Variants in ATRNL1 observed in about 807,000 individuals in gnomAD.
ATRNL1 encodes attractin-like protein 1.
A neutral mutation model predicts 182.7 loss-of-function variants in ATRNL1; 95 were observed. The ratio of observed to expected loss-of-function variants is 0.52; its 90% CI spans 0.44 to 0.62. The LOEUF is 0.62. Among genes scored for constraint, ATRNL1 ranks in the 20% least tolerant of loss-of-function variants. The probability of loss-of-function intolerance (pLI) is 0.00; values close to 1 mark genes in which losing one functional copy is unlikely to be tolerated. For synonymous variants in ATRNL1, 576 were observed against 568.3 expected (o/e 1.01, Z -0.19); for missense variants, 1,471 against 1,679.5 (o/e 0.88, Z 2.17).
At chr10:115,369,140 T>G (rs1195315530) in intron 19 of ATRNL1, among the ~76,000 whole-genome samples, 1 of 151,950 alleles carries the variant, frequency 6.6e-6, no homozygotes, top group Non-Finnish European at 1.5e-5. Context: ...AAACACCGGA[T>G]TTGCTTATTT....
intron 26 of ATRNL1, among the ~76,000 whole-genome samples, chr10:115,656,385 C>T (rs1386410309): frequency 6.6e-6 from 1 of 152,140 alleles, no homozygotes; most frequent in African/African-American, 2.4e-5. Context: ...TGCACATTCT[C>T]CCCATATCTG....
intron 26 of ATRNL1, among the ~76,000 whole-genome samples, chr10:115,679,584 C>T (rs1945982453): frequency 6.6e-6 from 1 of 152,058 alleles, no homozygotes; most frequent in South Asian, 2.1e-4. Flanking sequence ...TACCCTGAGT[C>T]ATTTTATCCA....
intron 28 of ATRNL1, among the ~76,000 whole-genome samples, chr10:115,895,446 C>G (rs1233843949): frequency 3.9e-5 from 6 of 152,234 alleles, no homozygotes; most frequent in Non-Finnish European, 8.8e-5. Flanking sequence ...GCATTATTTC[C>G]AGCTTTGTGG....
intron 13 of ATRNL1, among the ~76,000 whole-genome samples, chr10:115,272,048 A>G (rs567585529): frequency 4.6e-5 from 7 of 152,154 alleles, no homozygotes; most frequent in African/African-American, 1.2e-4. Context: ...TCTTGCTCCT[A>G]TTCTGCCATG....
intron 26 of ATRNL1, among the ~76,000 whole-genome samples, chr10:115,637,229 A>C (rs1858930787): frequency 6.6e-6 from 1 of 152,152 alleles, no homozygotes; most frequent in Non-Finnish European, 1.5e-5. Flanking sequence ...ATAGCCCCAC[A>C]CAAGTCCTTT....
At chr10:115,849,493 C>G (rs562151560) in intron 28 of ATRNL1, among the ~76,000 whole-genome samples, 1 of 152,258 alleles carries the variant, frequency 6.6e-6, no homozygotes, top group East Asian at 1.9e-4. Context: ...GTCCCTTTAA[C>G]CTTTGAAGTC....
At chr10:115,101,063 A>AT (rs1843747724) in intron 1 of ATRNL1, among the ~76,000 whole-genome samples, 1 of 152,054 alleles carries the variant, frequency 6.6e-6, no homozygotes, top group Non-Finnish European at 1.5e-5. Context: ...TGTATGTTTG[A>AT]TTTTTTATCT....
intron 5 of ATRNL1, among the ~76,000 whole-genome samples, chr10:115,141,599 C>T (rs1026954636): frequency 6.6e-6 from 1 of 152,080 alleles, no homozygotes; most frequent in East Asian, 1.9e-4. Flanking sequence ...CTGGGTTAGT[C>T]ATATAACATA....
intron 26 of ATRNL1, among the ~76,000 whole-genome samples, chr10:115,551,196 A>G (rs1852966349): frequency 6.6e-6 from 1 of 151,676 alleles, no homozygotes; most frequent in Non-Finnish European, 1.5e-5. Context: ...AACTAATATG[A>G]ATAGTTTAGC....
chr10:115,787,249 T>C (rs998489894), intron 27 of ATRNL1, among the ~76,000 whole-genome samples: 1 of 152,180 alleles, frequency 6.6e-6, no homozygotes, highest in African/African-American at 2.4e-5. Flanking sequence ...AAGAAAAGAA[T>C]GATATCTAAG....
At chr10:115,723,748 G>A (rs1038792085) in intron 26 of ATRNL1, among the ~76,000 whole-genome samples, 2 of 151,894 alleles carry the variant, frequency 1.3e-5, no homozygotes, top group Non-Finnish European at 2.9e-5. Flanking sequence ...AGCAGAGACA[G>A]GATTTCACCA....
At chr10:115,745,258 T>C (rs782255656) in intron 27 of ATRNL1, among the ~76,000 whole-genome samples, 1 of 152,106 alleles carries the variant, frequency 6.6e-6, no homozygotes, top group Non-Finnish European at 1.5e-5. Flanking sequence ...CTTGTTTCTT[T>C]CACTTAGCAC....
intron 1 of ATRNL1, among the ~76,000 whole-genome samples, chr10:115,094,670 C>T (rs570623794): frequency 1.2e-3 from 179 of 152,270 alleles, no homozygotes; most frequent in African/African-American, 4.0e-3. Flanking sequence ...AATTATTATG[C>T]TGGATTTACG....
intron 19 of ATRNL1, among the ~76,000 whole-genome samples, chr10:115,343,661 G>C (rs1291912020): frequency 6.6e-6 from 1 of 152,068 alleles, no homozygotes; most frequent in Non-Finnish European, 1.5e-5. Flanking sequence ...ATGAGGTCAT[G>C]TTTTCCTGGA....
At chr10:115,116,515 TAGA>T (rs1432107797) in intron 1 of ATRNL1, among the ~76,000 whole-genome samples, 3 of 152,092 alleles carry the variant, frequency 2.0e-5, no homozygotes, top group East Asian at 3.8e-4. Flanking sequence ...TTCTGAATTT[TAGA>T]AGAACAGTTC....
intron 18 of ATRNL1, among the ~76,000 whole-genome samples, chr10:115,320,357 G>T (rs782553964): frequency 2.6e-5 from 4 of 152,096 alleles, no homozygotes; most frequent in Non-Finnish European, 4.4e-5. Flanking sequence ...TAGAGAATCT[G>T]ATGGTTATGT....
rs782585526 is a variant in ATRNL1, at chr10:115,129,332, A to G, written c.626A>G (p.Asn209Ser). The change falls in exon 5 of 29, where the codon AAT becomes AGT. Residue 209 changes from asparagine (N) to serine (S), a missense_variant. Asn to Ser is a conservative substitution (Grantham distance 46). Coordinates refer to ENST00000355044, the MANE Select transcript of ATRNL1 (RefSeq NM_207303.4). The part of the protein sequence containing the change: ...LTGFNIFYSI[N>S]SCPNNCSGHG... Reference sequence around the variant, plus strand: ...ATATGAATTATATTTTACAGAATCAATTCTTGTCCTAACAATTGCTCTGGT... The same window carrying G: ...ATATGAATTATATTTTACAGAATCAGTTCTTGTCCTAACAATTGCTCTGGT... 64 of 1,611,218 alleles carry G rather than the reference A, an allele frequency of 4.0e-5. No homozygotes were observed. Among genetic ancestry groups the G allele is most frequent in the Middle Eastern group, 1.7e-4 (1 of 5,786 alleles).
At chr10:115,364,935 A>C (rs1357406013) in intron 19 of ATRNL1, among the ~76,000 whole-genome samples, 1 of 151,406 alleles carries the variant, frequency 6.6e-6, no homozygotes, top group Non-Finnish European at 1.5e-5. Context: ...TATTTTATTG[A>C]GGATTTTTGC....
intron 28 of ATRNL1, among the ~76,000 whole-genome samples, chr10:115,911,875 G>A (rs1952689276): frequency 6.6e-6 from 1 of 152,110 alleles, no homozygotes; most frequent in Non-Finnish European, 1.5e-5. Context: ...ACCATCCCGT[G>A]TTTCTCCCCG....
Sources: allele counts gnomAD v4.1 joint callset (sites outside exome capture counted in the v4.1 genomes callset), GRCh38; gene constraint gnomAD v4.1.1; transcripts MANE v1.5; gene names NCBI Gene and HGNC (gene_info 2026-07-23, HGNC 2026-07-21).